The following DYNC1I1 variants were observed in gnomAD, a reference collection of about 807,000 sequenced individuals.
DYNC1I1 encodes the protein cytoplasmic dynein 1 intermediate chain 1.
A neutral mutation model predicts 86.6 loss-of-function variants in DYNC1I1; 43 were observed. The ratio of observed to expected loss-of-function variants is 0.50; its 90% CI spans 0.39 to 0.64. The LOEUF is 0.64. Ranked by LOEUF, DYNC1I1 falls within the 30% of genes least tolerant of loss-of-function variation. DYNC1I1 has a pLI of 0.00. For synonymous variants in DYNC1I1, 262 were observed against 283.7 expected (o/e 0.92, Z 0.77); for missense variants, 604 against 788.8 (o/e 0.77, Z 2.81).
intron 14 of DYNC1I1, chr7:96,055,984 A>G (rs1789566122): frequency 6.6e-6 from 1 of 152,132 alleles, no homozygotes; most frequent in Non-Finnish European, 1.5e-5. Flanking sequence ...CTTCCTTCTC[A>G]CTTAGGACCT....
At chr7:96,057,097 T>G (rs1200516967) in intron 14 of DYNC1I1, among the ~76,000 whole-genome samples, 1 of 152,160 alleles carries the variant, frequency 6.6e-6, no homozygotes, top group Non-Finnish European at 1.5e-5. Context: ...TGGAGAAGTG[T>G]GTGGTGCTCC....
chr7:95,787,553 G>T lies in DYNC1I1; in HGVS notation c.-10+14780G>T, dbSNP rs112431146. ...GTTGACACTTTTTATAGTACATAAG[G>T]CTAGGAACAGGGAAAGGAGTTCACT... is the stretch of plus-strand genomic sequence containing the variant. On this transcript the variant is annotated intron_variant, in intron 1 of 16. Coordinates refer to ENST00000447467, the MANE Select transcript of DYNC1I1 (RefSeq NM_001135556.2). 7.9e-5 allele frequency among the ~76,000 whole-genome samples: 12 copies of T among 152,256 alleles called. No homozygotes were observed. In the South Asian group the frequency reaches 2.5e-3, roughly 32 times the overall value.
intron 7 of DYNC1I1, among the ~76,000 whole-genome samples, chr7:95,978,920 C>T (rs551840537): frequency 2.0e-5 from 3 of 152,214 alleles, no homozygotes; most frequent in South Asian, 2.1e-4. Flanking sequence ...CTTAGCATCC[C>T]GAGTAGCTGA....
At chr7:95,903,623 C>T (rs75568996) in intron 6 of DYNC1I1, among the ~76,000 whole-genome samples, 2,794 of 152,290 alleles carry the variant, frequency 0.018, 106 homozygotes, top group East Asian at 0.16. Context: ...GAAATGATAT[C>T]ATTTTATTAG....
rs889538914 is a variant in DYNC1I1, at chr7:96,062,261, G to A, written c.1510-13796G>A. Among the ~76,000 whole-genome samples, 3 of 152,150 alleles carry A rather than the reference G, an allele frequency of 2.0e-5. No homozygotes were observed. The East Asian group carries it at 5.8e-4, about 29-fold the overall frequency. On this transcript the variant is annotated intron_variant, in intron 14 of 16. Coordinates refer to ENST00000447467, the MANE Select transcript of DYNC1I1 (RefSeq NM_001135556.2). The stretch of plus-strand genomic sequence containing the variant: ...ATGTTAAGGATTTATCATGATTTGG[G>A]TTTTCAGCAGAGCTGTATTTTAAAT...
At chr7:95,986,023 C>CGTGTGTGTGTGTGTGTGTGTGTGTGTGT (rs3138829) in intron 8 of DYNC1I1, among the ~76,000 whole-genome samples, 7 of 132,742 alleles carry the variant, frequency 5.3e-5, no homozygotes, top group East Asian at 2.5e-4. Flanking sequence ...CCTGGCAGGA[C>CGTGTGTGTGTGTGTGTGTGTGTGTGTGT]GTGTGTGTGT....
chr7:96,108,803 G>A (rs564184964), intron 16 of DYNC1I1, among the ~76,000 whole-genome samples: 3 of 150,328 alleles, frequency 2.0e-5, no homozygotes, highest in Admixed American at 2.0e-4. Flanking sequence ...AGAGGTTGCA[G>A]TGAGCCAAGA....
chr7:96,080,297 T>C, intron 15 of DYNC1I1, 66 bp from the exon 16 acceptor site: 1 of 1,513,572 alleles, frequency 6.6e-7, no homozygotes. Flanking sequence ...AAACGTATTA[T>C]TGTAAATTTG....
At chr7:95,826,081 C>T (rs1474858240) in intron 4 of DYNC1I1, among the ~76,000 whole-genome samples, 9 of 152,154 alleles carry the variant, frequency 5.9e-5, no homozygotes, top group Non-Finnish European at 8.8e-5. Context: ...TGTCCTGGAG[C>T]GTGTTTGAAA....
chr7:95,796,287 A>G (rs1218938340), intron 1 of DYNC1I1, among the ~76,000 whole-genome samples: 1 of 151,814 alleles, frequency 6.6e-6, no homozygotes, highest in Non-Finnish European at 1.5e-5. Context: ...ACATTGTTCT[A>G]TGGGGTCTCT....
At chr7:95,969,947 A>C (rs1466870646) in intron 6 of DYNC1I1, among the ~76,000 whole-genome samples, 5 of 152,216 alleles carry the variant, frequency 3.3e-5, no homozygotes, top group South Asian at 2.1e-4. Flanking sequence ...GTGCTTACTG[A>C]AAATCCCACA....
In DYNC1I1 at chr7:95,907,773, T is replaced by A. The variant is rs536532122; in HGVS notation, c.490+37775T>A. ...CTTGAGAATGAATGTCTCAATCAAC[T>A]GTTTTTTTTTTTTTTGGTCTCAGAA... On this transcript the variant is annotated intron_variant, in intron 6 of 16. Transcript: ENST00000447467. 7.7e-5 allele frequency among the ~76,000 whole-genome samples: 8 copies of A among 103,258 alleles called. No homozygotes were observed. The East Asian group carries it at 3.1e-3, about 40-fold the overall frequency. 67.7% of individuals were successfully genotyped at this position (103,258 alleles called of 152,430 possible).
chr7:96,061,735 C>CACACACACAT (rs34628726), intron 14 of DYNC1I1, among the ~76,000 whole-genome samples: 54 of 148,600 alleles, frequency 3.6e-4, no homozygotes, highest in African/African-American at 1.3e-3. Flanking sequence ...CACACACACA[C>CACACACACAT]GCACACAAAC....
intron 12 of DYNC1I1, among the ~76,000 whole-genome samples, chr7:96,033,628 C>A (rs926743652): frequency 6.6e-6 from 1 of 152,166 alleles, no homozygotes; most frequent in African/African-American, 2.4e-5. Context: ...GGAGATAATT[C>A]TCAATGTTAA....
At chr7:96,106,196 T>C (rs72615137) in intron 16 of DYNC1I1, among the ~76,000 whole-genome samples, 2,481 of 152,266 alleles carry the variant, frequency 0.016, 34 homozygotes, top group East Asian at 0.059. Flanking sequence ...ACTTAGATCA[T>C]TGATTTAACA....
At chr7:95,921,582 G>T (rs530695409) in intron 6 of DYNC1I1, among the ~76,000 whole-genome samples, 1 of 152,226 alleles carries the variant, frequency 6.6e-6, no homozygotes, top group African/African-American at 2.4e-5. Context: ...TGATCTTGGG[G>T]TCTTTGAGGA....
intron 16 of DYNC1I1, among the ~76,000 whole-genome samples, chr7:96,091,372 T>C (rs918318219): frequency 6.6e-6 from 1 of 152,158 alleles, no homozygotes; most frequent in Admixed American, 6.5e-5. Context: ...AACATGATAG[T>C]CTCACACACT....
intron 9 of DYNC1I1, 147 bp downstream of exon 9, chr7:95,987,302 A>G: frequency 1.4e-6 from 1 of 694,872 alleles, no homozygotes; most frequent in Non-Finnish European, 2.5e-6. Context: ...TTTCAGTTTC[A>G]ATTCTCTACT....
intron 9 of DYNC1I1, among the ~76,000 whole-genome samples, chr7:95,993,211 G>A (rs1052415007): frequency 3.9e-5 from 6 of 152,250 alleles, no homozygotes; most frequent in African/African-American, 9.6e-5. Flanking sequence ...AAAAACTTGC[G>A]TGAGATAAAA....
Sources: allele counts gnomAD v4.1 joint callset (sites outside exome capture counted in the v4.1 genomes callset), GRCh38; gene constraint gnomAD v4.1.1; transcripts MANE v1.5; gene names NCBI Gene and HGNC (gene_info 2026-07-23, HGNC 2026-07-21).